Variants in MAP4 observed in about 807,000 individuals in gnomAD.
MAP4 encodes the protein microtubule associated protein 4.
In MAP4, 76 loss-of-function variants were observed where a neutral mutation model predicts 170.2. The ratio of observed to expected loss-of-function variants is 0.45; its 90% CI spans 0.37 to 0.54. The LOEUF is 0.54. Ranked by LOEUF, MAP4 falls within the 20% of genes least tolerant of loss-of-function variation. MAP4 has a pLI of 0.00. For synonymous variants in MAP4, 909 were observed against 994.5 expected (o/e 0.91, Z 1.62); for missense variants, 2,506 against 2,748.0 (o/e 0.91, Z 1.97).
At chr3:47,999,845 TAAA>T (rs10707358) in intron 1 of MAP4, among the ~76,000 whole-genome samples, 99 of 147,890 alleles carry the variant, frequency 6.7e-4, no homozygotes, top group Non-Finnish European at 5.8e-4. Context: ...AAATAAAGTT[TAAA>T]AAAAAAAAAA....
At chr3:47,892,417 C>T in intron 10 of MAP4, 1 of 1,536,266 alleles carries the variant, frequency 6.5e-7, no homozygotes, top group Non-Finnish European at 8.7e-7. Flanking sequence ...CCATTCGGCA[C>T]TCTGCAGGCT....
At chr3:47,952,650 A>T (rs2100065146) in intron 3 of MAP4, among the ~76,000 whole-genome samples, 1 of 151,468 alleles carries the variant, frequency 6.6e-6, no homozygotes, top group Admixed American at 6.6e-5. Context: ...AAAAATAAAT[A>T]AATAAATTAA....
At chr3:48,061,007 G>T (rs941181148) in intron 1 of MAP4, among the ~76,000 whole-genome samples, 1 of 151,748 alleles carries the variant, frequency 6.6e-6, no homozygotes, top group Admixed American at 6.6e-5. Flanking sequence ...ACCACGCCCG[G>T]CTAATTTTTT....
At position 47,911,716 on chromosome 3, in the gene MAP4, T is replaced by G. The variant is rs367640051; in HGVS notation, c.2705A>C (p.Lys902Thr). ...CTTCAGGTGGGGTGCAGGCTGTGGT[T>G]TGTATTCATGTTGCTTCAGCAATTT... ...DKKLLKQHEY[K>T]PQPAPHLKTP... The change falls in exon 9 of 21, where the codon AAA (lysine) becomes ACA (threonine). Residue 902 changes from lysine to threonine, a missense_variant. By Grantham distance (78) the Lys-to-Thr change is moderately conservative. Around this residue, in one of 3 missense-constraint regions of MAP4, gnomAD observed 2,008 missense variants for 2,206.0 expected, o/e 0.91. Coordinates refer to ENST00000683076, the MANE Select transcript of MAP4 (RefSeq NM_001385682.1). The surrounding 1 kb of genome is among the most constrained non-coding windows in gnomAD (Gnocchi z 4.0). 2,500 of 1,536,118 alleles carry G rather than the reference T, an allele frequency of 1.6e-3. 49 individuals are homozygous for G. In the South Asian group the frequency reaches 0.026, roughly 16 times the overall value.
chr3:47,962,104 G>T (rs960945148), intron 3 of MAP4, among the ~76,000 whole-genome samples: 4 of 152,114 alleles, frequency 2.6e-5, no homozygotes, highest in Non-Finnish European at 4.4e-5. Flanking sequence ...GAAACTTCCA[G>T]CCCCTTTTCC....
At chr3:48,054,819 A>G (rs910496938) in intron 1 of MAP4, among the ~76,000 whole-genome samples, 1 of 151,882 alleles carries the variant, frequency 6.6e-6, no homozygotes, top group Non-Finnish European at 1.5e-5. Flanking sequence ...AAAAAAAAAA[A>G]AGAAAAGAAA....
intron 18 of MAP4, among the ~76,000 whole-genome samples, chr3:47,857,086 C>A (rs1449480259): frequency 6.6e-6 from 1 of 152,242 alleles, no homozygotes; most frequent in East Asian, 1.9e-4. Context: ...CTCTATACAG[C>A]TCCTTCAGCA....
At position 47,875,808 on chromosome 3, in the gene MAP4, A is replaced by G; in HGVS notation, c.5634T>C (p.Ile1878=). ...SLPKQPAPTT[I]GGLNKKPMSL... is the part of the protein sequence containing the mutation. ...TCATGGGTTTTTTATTCAACCCACC[A>G]ATGGTGGTGGGAGCTGGCTGCTTAG... Residue 1878 remains isoleucine (I), a synonymous_variant, in exon 12 of 21, where the codon ATT becomes ATC. Coordinates refer to ENST00000683076, the MANE Select transcript of MAP4 (RefSeq NM_001385682.1). 6.2e-7 allele frequency: 1 copy of G among 1,613,952 alleles called. No individual in the cohort carries two copies. Among genetic ancestry groups the G allele is most frequent in the Non-Finnish European group, 8.5e-7 (1 of 1,179,976 alleles).
chr3:47,993,255 T>G (rs1239632060), intron 2 of MAP4, among the ~76,000 whole-genome samples: 1 of 152,056 alleles, frequency 6.6e-6, no homozygotes, highest in Non-Finnish European at 1.5e-5. Flanking sequence ...GCCCAGGAGT[T>G]CAAGGCTGTA....
At chr3:47,863,202 C>T (rs1447286805) in intron 17 of MAP4, among the ~76,000 whole-genome samples, 1 of 152,152 alleles carries the variant, frequency 6.6e-6, no homozygotes, top group East Asian at 1.9e-4. Flanking sequence ...TCTTGAACTC[C>T]CGACCTCAGG....
At chr3:48,030,882 T>C (rs1421118606) in intron 1 of MAP4, among the ~76,000 whole-genome samples, 2 of 148,714 alleles carry the variant, frequency 1.3e-5, no homozygotes, top group Non-Finnish European at 3.0e-5. Context: ...TGACCAAAGC[T>C]GGAACAATAT....
chr3:47,985,197 C>T (rs1460330029), intron 2 of MAP4, among the ~76,000 whole-genome samples: 2 of 150,774 alleles, frequency 1.3e-5, no homozygotes, highest in African/African-American at 4.9e-5. Flanking sequence ...GGAGGATCAC[C>T]TGAACCTGGG....
chr3:47,853,791 C>T (rs1000277164), intron 19 of MAP4, among the ~76,000 whole-genome samples: 7 of 152,190 alleles, frequency 4.6e-5, no homozygotes, highest in South Asian at 2.1e-4. Flanking sequence ...CAGTAGCTCC[C>T]GGGCAGCCCT....
chr3:47,941,741 C>T (rs1323144403), intron 3 of MAP4, among the ~76,000 whole-genome samples: 2 of 146,862 alleles, frequency 1.4e-5, no homozygotes, highest in Non-Finnish European at 3.0e-5. Flanking sequence ...GAGCTGAGAT[C>T]GTGCCATTGC....
At chr3:47,927,796 T>C (rs1444667168) in intron 4 of MAP4, among the ~76,000 whole-genome samples, 1 of 152,130 alleles carries the variant, frequency 6.6e-6, no homozygotes, top group African/African-American at 2.4e-5. Context: ...TTATAGAAAG[T>C]GGGTATGAAT....
intron 10 of MAP4, among the ~76,000 whole-genome samples, chr3:47,881,492 A>ATATG (rs2096746620): frequency 2.2e-5 from 2 of 92,578 alleles, no homozygotes; most frequent in Non-Finnish European, 4.4e-5. Flanking sequence ...ATATATATAT[A>ATATG]TATATGCATA....
chr3:48,071,298 C>G (rs1178955800), intron 1 of MAP4, among the ~76,000 whole-genome samples: 1 of 151,766 alleles, frequency 6.6e-6, no homozygotes, highest in East Asian at 1.9e-4. Flanking sequence ...TCCCAGAACT[C>G]TGGGAGGCCA....
intron 3 of MAP4, among the ~76,000 whole-genome samples, chr3:47,947,099 AT>A (rs1485503992): frequency 6.6e-6 from 1 of 152,252 alleles, no homozygotes; most frequent in Non-Finnish European, 1.5e-5. Context: ...ACAGCAAATT[AT>A]TTAAGGATAT....
Position 47,917,055 on chromosome 3 carries a change from T to A in MAP4, c.772A>T (p.Met258Leu), listed in dbSNP as rs777751550. The A allele has an allele frequency of 2.5e-6, 4 of 1,614,208 alleles. No homozygotes were observed. The highest frequency in any genetic ancestry group is 3.4e-6 in the Non-Finnish European group (4 of 1,180,028). ...TDMAPSKETE[M>L]ALAKDMALAT... ...AGTGCCATGTCCTTGGCGAGGGCCA[T>A]CTCTGTTTCTTTAGATGGTGCCATG... The change falls in exon 7 of 21, where the codon ATG becomes TTG. Residue 258 changes from methionine to leucine, a missense_variant. Physicochemically the swap from Met to Leu is conservative, Grantham distance 15. Around this residue, in one of 3 missense-constraint regions of MAP4, gnomAD observed 2,008 missense variants for 2,206.0 expected, o/e 0.91. Coordinates refer to ENST00000683076, the MANE Select transcript of MAP4 (RefSeq NM_001385682.1).
Sources: gnomAD v4.1 joint callset for allele counts (sites outside exome capture counted in the v4.1 genomes callset) on GRCh38, gnomAD v4.1.1 for gene constraint, gnomAD v4.1.1 regional missense constraint, Gnocchi (gnomAD v3.1) non-coding constraint, MANE v1.5 for transcripts, NCBI Gene and HGNC (gene_info 2026-07-23, HGNC 2026-07-21) for gene names.